The following APOLD1 variants were observed in gnomAD, a reference collection of about 807,000 sequenced individuals.
APOLD1 encodes the protein apolipoprotein L domain containing 1, also known as apolipoprotein L domain-containing protein 1.
A neutral mutation model predicts 15.3 loss-of-function variants in APOLD1; 22 were observed. The observed-to-expected ratio is 1.44, with a 90% confidence interval of 1.03 to 2.05. APOLD1 has a LOEUF of 2.05. Among genes scored for constraint, APOLD1 ranks in the 30% most tolerant of loss-of-function variants. APOLD1 has a pLI of 0.00. For synonymous variants in APOLD1, 190 were observed against 167.4 expected (o/e 1.13, Z -1.04); for missense variants, 394 against 353.5 (o/e 1.11, Z -0.92).
At chr12:12,734,314 C>T (rs1440000448) in intron 1 of APOLD1, among the ~76,000 whole-genome samples, 1 of 152,244 alleles carries the variant, frequency 6.6e-6, no homozygotes, top group African/African-American at 2.4e-5. Context: ...ACCAGATCAA[C>T]TCCCTGCCTT....
chr12:12,761,704 A>G (rs1394851231), intron 1 of APOLD1, among the ~76,000 whole-genome samples: 1 of 152,040 alleles, frequency 6.6e-6, no homozygotes, highest in Non-Finnish European at 1.5e-5. Context: ...AATGAGTGAC[A>G]GCCACATGTA....
chr12:12,736,027 T>C (rs1021963715), intron 1 of APOLD1, among the ~76,000 whole-genome samples: 1 of 152,056 alleles, frequency 6.6e-6, no homozygotes, highest in African/African-American at 2.4e-5. Flanking sequence ...GAACCCAGCC[T>C]GGGTACCATG....
At chr12:12,750,055 G>A (rs1375950255) in intron 1 of APOLD1, among the ~76,000 whole-genome samples, 1 of 152,034 alleles carries the variant, frequency 6.6e-6, no homozygotes, top group African/African-American at 2.4e-5. Flanking sequence ...AATCCCTTCC[G>A]GTAGAGACAA....
chr12:12,778,231 G>A (rs908515419), intron 1 of APOLD1, among the ~76,000 whole-genome samples: 8 of 151,304 alleles, frequency 5.3e-5, no homozygotes, highest in African/African-American at 1.2e-4. Context: ...TACTTGGCCA[G>A]GAAAGCATCC....
At chr12:12,745,355 A>T (rs1340220135) in intron 1 of APOLD1, among the ~76,000 whole-genome samples, 1 of 152,102 alleles carries the variant, frequency 6.6e-6, no homozygotes, top group Non-Finnish European at 1.5e-5. Flanking sequence ...CAGCCTGGCC[A>T]CTAAACTCTA....
intron 1 of APOLD1, among the ~76,000 whole-genome samples, chr12:12,769,786 G>T (rs993345723): frequency 6.6e-6 from 1 of 152,120 alleles, no homozygotes; most frequent in Non-Finnish European, 1.5e-5. Context: ...CTAAGGAGAG[G>T]GGGAGACTGA....
intron 1 of APOLD1, among the ~76,000 whole-genome samples, chr12:12,763,525 A>T (rs534646535): frequency 6.8e-6 from 1 of 146,784 alleles, no homozygotes; most frequent in Non-Finnish European, 1.5e-5. Flanking sequence ...GGGGGGGGGG[A>T]AAACAATACA....
At chr12:12,746,369 G>A (rs949267167) in intron 1 of APOLD1, among the ~76,000 whole-genome samples, 1 of 152,256 alleles carries the variant, frequency 6.6e-6, no homozygotes, top group African/African-American at 2.4e-5. Context: ...GGTGGCAGAT[G>A]CCTGTAATCC....
intron 1 of APOLD1, among the ~76,000 whole-genome samples, chr12:12,758,050 C>CAAGTAAGT (rs1946869720): frequency 6.7e-6 from 1 of 149,880 alleles, no homozygotes. Flanking sequence ...CTCAGCCTCC[C>CAAGTAAGT]AAGTAGCTGG....
chr12:12,725,998 C>T (rs1946587714), exon 1 of APOLD1: 2 of 1,509,228 alleles, frequency 1.3e-6, no homozygotes, highest in Admixed American at 2.3e-5. Context: ...AACTCGTTCA[C>T]GGATGTTCCG....
At chr12:12,783,673 A>C (rs568949425), upstream of APOLD1, among the ~76,000 whole-genome samples, 42 of 140,338 alleles carry the variant, frequency 3.0e-4, no homozygotes, top group Admixed American at 1.0e-3. Flanking sequence ...GGTCTCTATC[A>C]TCCAGGCTGT....
intron 1 of APOLD1, among the ~76,000 whole-genome samples, chr12:12,747,251 A>G (rs1259162013): frequency 6.6e-6 from 1 of 152,148 alleles, no homozygotes; most frequent in South Asian, 2.1e-4. Flanking sequence ...CACTGGGATT[A>G]CTGTGTGAAC....
Position 12,786,938 on chromosome 12 carries a change from G to T in APOLD1, c.33G>T (p.Pro11=). 6.9e-7 allele frequency: 1 copy of T among 1,456,422 alleles called. No individual in the cohort carries two copies. The allele number at this position is 1,456,422 out of a possible 1,614,324, so 90.2% of individuals were successfully genotyped here. ...TGGAGAGGCCGGCGGCCCGGGAGCC[G>T]CATGGGCCCGACGCGCTGCGGCGCT... MGMERPAARE[P]HGPDALRRFQ... is the part of the protein sequence containing the mutation. Residue 11 remains proline (P), a synonymous_variant, in exon 2 of 2, where the codon CCG becomes CCT. Coordinates refer to ENST00000356591, the MANE Select transcript of APOLD1 (RefSeq NM_030817.3).
At chr12:12,726,392 T>C in intron 1 of APOLD1, 1 of 494,222 alleles carries the variant, frequency 2.0e-6, no homozygotes, top group South Asian at 1.8e-5. Context: ...ATTCTTTTGA[T>C]AAAGCGTGTG....
chr12:12,769,536 C>A, intron 1 of APOLD1, among the ~76,000 whole-genome samples: 1 of 150,876 alleles, frequency 6.6e-6, no homozygotes, highest in Non-Finnish European at 1.5e-5. Flanking sequence ...GTTTTACCTC[C>A]AGGGGCTCTA....
At chr12:12,751,969 T>G (rs1304938682) in intron 1 of APOLD1, among the ~76,000 whole-genome samples, 1 of 152,146 alleles carries the variant, frequency 6.6e-6, no homozygotes, top group Admixed American at 6.5e-5. Context: ...CAGTAGAAAC[T>G]GAAAAGGCAA....
chr12:12,788,950 C>T lies in APOLD1; in HGVS notation c.*1298C>T, dbSNP rs1972576. On this transcript the variant is annotated 3_prime_UTR_variant, in exon 2 of 2. Transcript: ENST00000356591. ...CTGGGGCAGTGTCTCACCGTATGAACAAGGGATGTAACACTAAAAGCCCAT... is the reference window on the plus strand; with the variant it reads ...CTGGGGCAGTGTCTCACCGTATGAATAAGGGATGTAACACTAAAAGCCCAT... 0.71 allele frequency: 107,668 copies of T among 151,910 alleles called. 39,127 individuals are homozygous for T. The highest frequency in any genetic ancestry group is 0.83 in the East Asian group (4,262 of 5,144). The allele number at this position is 151,910 out of a possible 1,614,324, so 9.4% of individuals were successfully genotyped here.
Position 12,787,645 on chromosome 12 carries a change from T to C in APOLD1, c.740T>C (p.Phe247Ser). The change falls in exon 2 of 2, where the codon TTT becomes TCT. Residue 247 changes from phenylalanine (F) to serine (S), a missense_variant. Transcript: ENST00000356591. This position sits in a 1 kb window ranked among gnomAD's most constrained non-coding sequence, Gnocchi z 4.9. ...TCTGCTGACCAGCGTGCAGGGCTGTTTTTCTGAGAACATCCTTTCCCCCTA... is the reference window on the plus strand; with the variant it reads ...TCTGCTGACCAGCGTGCAGGGCTGTCTTTCTGAGAACATCCTTTCCCCCTA... ...KISADQRAGLFF is the reference protein window; with the variant it reads ...KISADQRAGLSF The C allele has an allele frequency of 6.3e-7, 1 of 1,589,046 alleles. No homozygotes were observed. The highest frequency in any genetic ancestry group is 8.5e-7 in the Non-Finnish European group (1 of 1,170,176).
chr12:12,781,092 TAAAAG>T (rs1248886070), upstream of APOLD1, among the ~76,000 whole-genome samples: 1 of 152,172 alleles, frequency 6.6e-6, no homozygotes, highest in East Asian at 1.9e-4. Flanking sequence ...ACATTGCAAT[TAAAAG>T]AAATAAGCCA....
Sources: gnomAD v4.1 joint callset for allele counts (sites outside exome capture counted in the v4.1 genomes callset) on GRCh38, gnomAD v4.1.1 for gene constraint, Gnocchi (gnomAD v3.1) non-coding constraint, MANE v1.5 for transcripts, NCBI Gene and HGNC (gene_info 2026-07-23, HGNC 2026-07-21) for gene names.